Variants in LRRC37A2 observed in about 807,000 individuals in gnomAD.
LRRC37A2 encodes leucine rich repeat containing 37 member A2.
Under a neutral mutation model 68.8 loss-of-function variants are expected in LRRC37A2, and 9 were observed. The observed-to-expected ratio is 0.13, with a 90% CI of 0.08 to 0.23. The LOEUF (loss-of-function observed/expected upper bound fraction) is 0.23. Among genes scored for constraint, LRRC37A2 ranks in the 10% least tolerant of loss-of-function variants. The pLI is 1.00. For missense variants in LRRC37A2, 168 were observed against 950.4 expected (o/e 0.18, Z 10.82); for synonymous variants, 63 against 367.6 (o/e 0.17, Z 9.48).
the LRRC37A2 span, among the ~76,000 whole-genome samples, chr17:46,925,314 T>C: frequency 6.6e-6 from 1 of 152,238 alleles, no homozygotes; most frequent in South Asian, 2.1e-4. Flanking sequence ...CCACAACTAT[T>C]AGGCCCTCTG....
At chr17:46,766,406 C>CAA in the LRRC37A2 span, among the ~76,000 whole-genome samples, 3 of 126,918 alleles carry the variant, frequency 2.4e-5, no homozygotes, top group African/African-American at 2.9e-5. Context: ...GACTCAGTCT[C>CAA]AAAAAAAAAA....
At chr17:46,713,515 GAACT>G in the LRRC37A2 span, among the ~76,000 whole-genome samples, 2 of 152,138 alleles carry the variant, frequency 1.3e-5, no homozygotes, top group African/African-American at 4.8e-5. Flanking sequence ...TGATTTGATA[GAACT>G]AACAACATAA....
chr17:46,633,195 AC>A, the LRRC37A2 span, among the ~76,000 whole-genome samples: 1 of 102,798 alleles, frequency 9.7e-6, no homozygotes, highest in Non-Finnish European at 2.1e-5. Context: ...CTGGTCTTGA[AC>A]TCCTGACCTC....
chr17:46,824,242 T>C, the LRRC37A2 span, among the ~76,000 whole-genome samples: 1 of 152,188 alleles, frequency 6.6e-6, no homozygotes, highest in Non-Finnish European at 1.5e-5. Flanking sequence ...GATTAATATG[T>C]GATTACACAT....
the LRRC37A2 span, among the ~76,000 whole-genome samples, chr17:46,824,259 AT>A: frequency 2.6e-5 from 4 of 152,026 alleles, no homozygotes; most frequent in Admixed American, 1.3e-4. Context: ...ACATATTATT[AT>A]TTTTTTGAGA....
the LRRC37A2 span, chr17:46,936,559 T>C: frequency 1.0e-6 from 1 of 985,534 alleles, no homozygotes; most frequent in South Asian, 4.7e-5. Flanking sequence ...ACCTACACCA[T>C]TCAAAAGGAA....
chr17:46,944,334 C>T, the LRRC37A2 span, among the ~76,000 whole-genome samples: 1 of 152,226 alleles, frequency 6.6e-6, no homozygotes, highest in Non-Finnish European at 1.5e-5. Context: ...CAAGTCCCAG[C>T]CCTGCTGGCA....
At chr17:46,545,518 A>G (rs2145712133) in intron 8 of LRRC37A2, among the ~76,000 whole-genome samples, 1 of 123,564 alleles carries the variant, frequency 8.1e-6, no homozygotes, top group Middle Eastern at 3.7e-3. Flanking sequence ...AGTTCAGTGA[A>G]GATCCTGTTC....
At chr17:47,028,361 G>T in the LRRC37A2 span, 1 of 1,480,556 alleles carries the variant, frequency 6.8e-7, no homozygotes. Context: ...TACATAAGTT[G>T]TAAGTGAAAT....
the LRRC37A2 span, among the ~76,000 whole-genome samples, chr17:46,891,676 C>T: frequency 6.6e-6 from 1 of 152,284 alleles, no homozygotes; most frequent in East Asian, 1.9e-4. Context: ...TCCCGTTCCA[C>T]ATGACCTGAC....
chr17:46,872,411 G>C, the LRRC37A2 span: 3 of 1,385,264 alleles, frequency 2.2e-6, no homozygotes, highest in Non-Finnish European at 2.8e-6. Context: ...TCAGCCTGCT[G>C]CCCAGAAGGG....
the LRRC37A2 span, among the ~76,000 whole-genome samples, chr17:46,717,450 C>T: frequency 3.7e-3 from 567 of 152,220 alleles, 5 homozygotes; most frequent in African/African-American, 0.012. Context: ...CAGTGGTTCA[C>T]GCCTGTAATC....
the LRRC37A2 span, among the ~76,000 whole-genome samples, chr17:46,813,939 G>A: frequency 2.0e-5 from 3 of 152,238 alleles, no homozygotes; most frequent in African/African-American, 4.8e-5. Context: ...CAGTGACTGA[G>A]CATGTATCCA....
the LRRC37A2 span, among the ~76,000 whole-genome samples, chr17:46,454,549 CTTTTT>C: frequency 4.6e-4 from 3 of 6,494 alleles, no homozygotes; most frequent in African/African-American, 2.6e-3. Context: ...GAGGTGAAGT[CTTTTT>C]TTTTTTTTTT....
the LRRC37A2 span, among the ~76,000 whole-genome samples, chr17:46,748,418 C>G: frequency 6.6e-6 from 1 of 152,152 alleles, no homozygotes; most frequent in Non-Finnish European, 1.5e-5. Context: ...GGCCTCTAAC[C>G]TTATTTTTTA....
At chr17:46,757,367 A>C in the LRRC37A2 span, 1 of 152,646 alleles carries the variant, frequency 6.6e-6, no homozygotes, top group Non-Finnish European at 1.5e-5. Flanking sequence ...CTCTTGTTAA[A>C]TGAGCTTAAT....
the LRRC37A2 span, chr17:46,818,822 G>A: frequency 1.7e-6 from 1 of 601,304 alleles, no homozygotes; most frequent in African/African-American, 1.9e-5. Context: ...TAAGAGATGA[G>A]TCTGTAGTTC....
the LRRC37A2 span, chr17:46,929,732 C>G: frequency 1.6e-6 from 1 of 637,248 alleles, no homozygotes; most frequent in South Asian, 1.7e-5. Flanking sequence ...AACCCTATGG[C>G]AAAGTCACTG....
At chr17:46,684,420 A>G in the LRRC37A2 span, among the ~76,000 whole-genome samples, 3 of 151,840 alleles carry the variant, frequency 2.0e-5, no homozygotes, top group Non-Finnish European at 2.9e-5. Flanking sequence ...CAGTGCCTCA[A>G]TAAACATGTG....
Sources: allele counts gnomAD v4.1 joint callset (sites outside exome capture counted in the v4.1 genomes callset), GRCh38; gene constraint gnomAD v4.1.1; transcripts MANE v1.5; gene names NCBI Gene and HGNC (gene_info 2026-07-23, HGNC 2026-07-21).